ERCC6: variants seen among roughly 807,000 people sequenced by gnomAD.
ERCC6 encodes the protein DNA excision repair protein ERCC-6.
ERCC6 carries 116 observed loss-of-function variants against 158.7 expected under a neutral mutation model. The ratio of observed to expected loss-of-function variants is 0.73; its 90% CI spans 0.63 to 0.85. The LOEUF (loss-of-function observed/expected upper bound fraction) is 0.85. Ranked by LOEUF, ERCC6 falls within the 40% of genes least tolerant of loss-of-function variation. The pLI is 0.00. For synonymous variants in ERCC6, 678 were observed against 659.3 expected, an observed-to-expected ratio of 1.03 and a Z score of -0.43; for missense variants, 1,698 against 1,799.4, an observed-to-expected ratio of 0.94 and a Z score of 1.02.
intron 10 of ERCC6, among the ~76,000 whole-genome samples, chr10:49,480,245 G>A (rs1232027702): frequency 6.6e-6 from 1 of 152,060 alleles, no homozygotes; most frequent in Non-Finnish European, 1.5e-5. Context: ...AGCCCCATAA[G>A]CTCTGACACT....
At position 49,458,799 on chromosome 10, in the gene ERCC6, T is replaced by G. The variant is rs1278115271; in HGVS notation, c.*16A>C. 3 of 1,613,712 alleles carry G rather than the reference T, an allele frequency of 1.9e-6. No homozygotes were observed. In the African/African-American group the frequency reaches 4.0e-5, roughly 22 times the overall value. ...CGTTAGAAAAAGGGACTTGAAAGTT[T>G]AGGAAGCAATGTTGTTTAGCAGTAT... On this transcript the variant is annotated 3_prime_UTR_variant, in exon 21 of 21. Coordinates refer to ENST00000355832, the MANE Select transcript of ERCC6 (RefSeq NM_000124.4).
chr10:49,476,413 C>A (rs1312321901), intron 11 of ERCC6, 103 bp from the exon 12 acceptor site: 3 of 754,910 alleles, frequency 4.0e-6, no homozygotes, highest in African/African-American at 3.5e-5. Flanking sequence ...ACAATGCATG[C>A]GATTTTAATG....
rs774251214 is a variant in ERCC6, at chr10:49,456,178, C to T, written c.*2637G>A. 1.3e-5 allele frequency: 2 copies of T among 152,144 alleles called. No homozygotes were observed. The highest frequency in any genetic ancestry group is 2.9e-5 in the Non-Finnish European group (2 of 68,020). The allele number at this position is 152,144 out of a possible 1,614,324, so 9.4% of individuals were successfully genotyped here. A position where few individuals can be genotyped will look rare whatever the true frequency, so the allele number is the denominator to read the frequency against. The stretch of plus-strand genomic sequence containing the variant: ...AAGCAAGTCAGTATTTTATTTTACT[C>T]TTAAATAACAGGTCAAAGGAGAGCA... On this transcript the variant is annotated 3_prime_UTR_variant, in exon 21 of 21. Transcript: ENST00000355832.
chr10:49,459,282 GC>G (rs754224226), intron 20 of ERCC6, 48 bp from the exon 21 acceptor site: 2 of 1,594,270 alleles, frequency 1.3e-6, no homozygotes, highest in Admixed American at 1.7e-5. Flanking sequence ...TCTAGTTTAT[GC>G]CCCCACTTCC....
Position 49,489,376 on chromosome 10 carries a change from T to C in ERCC6, c.1821+3741A>G, listed in dbSNP as rs4253147. Among the ~76,000 whole-genome samples the C allele has an allele frequency of 3.9e-5, 6 of 152,352 alleles. No homozygotes were observed. In the East Asian group the frequency reaches 1.2e-3, roughly 29 times the overall value. On this transcript the variant is annotated intron_variant, in intron 8 of 20. Coordinates refer to ENST00000355832, the MANE Select transcript of ERCC6 (RefSeq NM_000124.4). ...ATTAGGGACCACACTAAGCTCTTCA[T>C]ACATACATATTAACCCAAAAAGTCC...
At chr10:49,482,460 T>C (rs1283820477) in intron 10 of ERCC6, among the ~76,000 whole-genome samples, 3 of 152,160 alleles carry the variant, frequency 2.0e-5, no homozygotes. Context: ...AGATATTTTA[T>C]TCTAGGGCTT....
rs1044602396 is a variant in ERCC6, at chr10:49,457,544, A to T, written c.*1271T>A. 6.6e-6 allele frequency: 1 copy of T among 152,260 alleles called. No homozygotes were observed. Among genetic ancestry groups the T allele is most frequent in the African/African-American group, 2.4e-5 (1 of 41,474 alleles). 9.4% of individuals were successfully genotyped at this position (152,260 alleles called of 1,614,324 possible). A position where few individuals can be genotyped will look rare whatever the true frequency, so the allele number is the denominator to read the frequency against. ...GGATGAGCAGACAGAAGATCTGGAC[A>T]CAGCTATCCATGTTAAGCATGAGAG... On this transcript the variant is annotated 3_prime_UTR_variant, in exon 21 of 21. Transcript: ENST00000355832.
In ERCC6 at chr10:49,470,844, C is replaced by G. The variant is rs749674398; in HGVS notation, c.3116G>C (p.Arg1039Thr). The G allele has an allele frequency of 5.6e-6, 9 of 1,613,968 alleles. No homozygotes were observed. The African/African-American group carries it at 1.1e-4, about 19-fold the overall frequency. The stretch of plus-strand genomic sequence containing the variant: ...GTCTGCTCCAAAGGCTGGTTGAATC[C>G]TTCTTTTTAGATGGCATTTGGGTGT... ...VQTPKCHLKR[R>T]IQPAFGADHD... Residue 1039 changes from arginine to threonine, a missense_variant, in exon 18 of 21, where the codon AGG becomes ACG. Arg to Thr is a moderately conservative substitution (Grantham distance 71, BLOSUM62 -1). Coordinates refer to ENST00000355832, the MANE Select transcript of ERCC6 (RefSeq NM_000124.4).
chr10:49,532,923 C>T lies in ERCC6; in HGVS notation c.42G>A (p.Glu14=), dbSNP rs1182304442. Residue 14 remains glutamate, a synonymous_variant, in exon 2 of 21, where the codon GAG becomes GAA. Coordinates refer to ENST00000355832, the MANE Select transcript of ERCC6 (RefSeq NM_000124.4). The part of the protein sequence containing the change: ...EGIPHSSQTQ[E]QDCLQSQPVS... ...CAGGTTGACTCTGTAAACAGTCTTG[C>T]TCCTGAGTTTGACTTGAGTGGGGGA... 4 of 1,614,082 alleles carry T rather than the reference C, an allele frequency of 2.5e-6. No individual in the cohort carries two copies. The highest frequency in any genetic ancestry group is 2.7e-5 in the African/African-American group (2 of 74,936).
intron 8 of ERCC6, among the ~76,000 whole-genome samples, chr10:49,484,915 G>C (rs1851050821): frequency 6.6e-6 from 1 of 152,190 alleles, no homozygotes; most frequent in African/African-American, 2.4e-5. Context: ...ATTCTAAGAA[G>C]GAAAAGTGGT....
At position 49,461,467 on chromosome 10, in the gene ERCC6, C is replaced by G. The variant is rs774185021; in HGVS notation, c.3868G>C (p.Ala1290Pro). The G allele has an allele frequency of 6.2e-7, 1 of 1,614,178 alleles. No individual in the cohort carries two copies. The highest frequency in any genetic ancestry group is 1.7e-5 in the Admixed American group (1 of 60,028). ...VLVEAEANRV[A>P]QDALKALRLS... ...CTCAGTGCTTTCAGGGCATCCTGGG[C>G]CACTCGGTTGGCTTCTGCCTCCACC... is the stretch of plus-strand genomic sequence containing the variant. The change falls in exon 19 of 21, where the codon GCC becomes CCC. Residue 1290 changes from alanine to proline, a missense_variant. Transcript: ENST00000355832.
chr10:49,509,540 C>T (rs4253082), intron 5 of ERCC6, among the ~76,000 whole-genome samples: 35,058 of 152,042 alleles, frequency 0.23, 4,758 homozygotes, highest in East Asian at 0.46. Flanking sequence ...ATGGTACCTG[C>T]TGGAATATCT....
chr10:49,515,258 A>G (rs1421179050), intron 5 of ERCC6: 1 of 1,460,552 alleles, frequency 6.8e-7, no homozygotes, highest in African/African-American at 1.4e-5. Context: ...AAATTGGAAC[A>G]CTAGGCAAAA....
rs752971410 is a variant in ERCC6, at chr10:49,468,255, C to T, written c.3778+1927G>A. Among the ~76,000 whole-genome samples, 14 of 152,342 alleles carry T rather than the reference C, an allele frequency of 9.2e-5. No individual in the cohort carries two copies. In the East Asian group the frequency reaches 1.5e-3, roughly 17 times the overall value. Reference sequence around the variant, plus strand: ...TTCTCTCCCTGTGCAGAGCTGTCTCCGCTATCGTCTCTTGCATGTGAATGC... The same window carrying T: ...TTCTCTCCCTGTGCAGAGCTGTCTCTGCTATCGTCTCTTGCATGTGAATGC... On this transcript the variant is annotated intron_variant, in intron 18 of 20. Transcript: ENST00000355832.
intron 5 of ERCC6, chr10:49,506,340 T>C: frequency 3.1e-6 from 1 of 321,616 alleles, no homozygotes; most frequent in East Asian, 7.2e-5. Flanking sequence ...AAATTAGTCC[T>C]AGAAAAGATT....
At chr10:49,468,969 G>C (rs1850724695) in intron 18 of ERCC6, among the ~76,000 whole-genome samples, 1 of 93,182 alleles carries the variant, frequency 1.1e-5, no homozygotes, top group African/African-American at 4.0e-5. Flanking sequence ...CCCTACTAAT[G>C]GATTACAGTC....
chr10:49,506,660 G>A (rs535940916), intron 5 of ERCC6, among the ~76,000 whole-genome samples: 3 of 152,098 alleles, frequency 2.0e-5, no homozygotes, highest in African/African-American at 7.2e-5. Context: ...ATAAAATAAG[G>A]TGAACACTTA....
At chr10:49,495,840 C>G (rs913944991) in intron 7 of ERCC6, among the ~76,000 whole-genome samples, 7 of 152,186 alleles carry the variant, frequency 4.6e-5, no homozygotes, top group African/African-American at 1.7e-4. Flanking sequence ...TCCAGCCACT[C>G]TCCTCTCTCA....
intron 8 of ERCC6, among the ~76,000 whole-genome samples, chr10:49,489,245 G>C (rs1851131315): frequency 6.6e-6 from 1 of 152,186 alleles, no homozygotes; most frequent in Non-Finnish European, 1.5e-5. Flanking sequence ...GAGTCAATCA[G>C]CAATGCCTCA....
Sources: gnomAD v4.1 joint callset for allele counts (sites outside exome capture counted in the v4.1 genomes callset) on GRCh38, gnomAD v4.1.1 for gene constraint, MANE v1.5 for transcripts, NCBI Gene and HGNC (gene_info 2026-07-23, HGNC 2026-07-21) for gene names.